Variants in KLHL26 observed in about 807,000 individuals in gnomAD.
KLHL26 encodes the protein kelch like family member 26.
KLHL26 carries 4 observed loss-of-function variants against 7.1 expected under a neutral mutation model. The observed-to-expected ratio is 0.56, with a 90% CI of 0.28 to 1.28. The LOEUF (loss-of-function observed/expected upper bound fraction) is 1.28, where lower values mean the gene tolerates loss of function less well. Among genes scored for constraint, KLHL26 ranks in the 50% most tolerant of loss-of-function variants. The pLI is 0.11. For missense variants in KLHL26, 896 were observed against 924.6 expected (o/e 0.97, Z 0.40); for synonymous variants, 465 against 414.1 (o/e 1.12, Z -1.49).
rs1228661664 is a variant in KLHL26, at chr19:18,669,085, T to C, written c.1688T>C (p.Ile563Thr). 3 of 1,612,710 alleles carry C rather than the reference T, an allele frequency of 1.9e-6. No individual in the cohort carries two copies. In the South Asian group the frequency reaches 3.3e-5, roughly 18 times the overall value. Reference sequence around the variant, plus strand: ...TGCCTGCTGGAGAGGAAGATCTACATCGTCGGGGGCTACAACTGGCGTCTC... The same window carrying C: ...TGCCTGCTGGAGAGGAAGATCTACACCGTCGGGGGCTACAACTGGCGTCTC... ...GCCLLERKIY[I>T]VGGYNWRLNN... is the part of the protein sequence containing the mutation. The change falls in exon 3 of 3, where the codon ATC (isoleucine) becomes ACC (threonine). Residue 563 changes from isoleucine to threonine, a missense_variant. By Grantham distance (89) the Ile-to-Thr change is moderately conservative (BLOSUM62 -1). Transcript: ENST00000300976.
chr19:18,637,199 G>A (rs371481842), intron 1 of KLHL26, 62 bp downstream of exon 1: 3 of 1,262,710 alleles, frequency 2.4e-6, no homozygotes, highest in East Asian at 3.1e-5. Flanking sequence ...CCTGTGGGCA[G>A]TCTTGGGCGT....
In KLHL26 at chr19:18,668,771, A is replaced by G. The variant is rs763163875; in HGVS notation, c.1374A>G (p.Ser458=). Residue 458 remains serine, a synonymous_variant, in exon 3 of 3, where the codon TCA becomes TCG. Coordinates refer to ENST00000300976, the MANE Select transcript of KLHL26 (RefSeq NM_018316.3). ...CCTGGGGCCATGCTGGGGCCGCCTC[A>G]GGGGGCCGCCTCTACATCTCGGGTG... is the stretch of plus-strand genomic sequence containing the variant. ...RRTWGHAGAA[S]GGRLYISGGY... is the part of the protein sequence containing the mutation. 1 of 1,593,630 alleles carries G rather than the reference A, an allele frequency of 6.3e-7. No individual in the cohort carries two copies. Among genetic ancestry groups the G allele is most frequent in the Non-Finnish European group, 8.5e-7 (1 of 1,176,710 alleles).
chr19:18,637,260 A>C, intron 1 of KLHL26, 123 bp downstream of exon 1: 7 of 1,071,414 alleles, frequency 6.5e-6, no homozygotes, highest in Non-Finnish European at 8.3e-6. Context: ...TTTCGCTGAG[A>C]ATTTGGACTT....
In KLHL26 at chr19:18,650,873, C is replaced by T. The variant is rs2052247702; in HGVS notation, c.84-13388C>T. ...GCCGCCCACTCGCCCTCAGAATGGC[C>T]CTCAGCGGGGCTTCCTGACCCCTCA... On this transcript the variant is annotated intron_variant, in intron 1 of 2. Coordinates refer to ENST00000300976, the MANE Select transcript of KLHL26 (RefSeq NM_018316.3). This position sits in a 1 kb window ranked among gnomAD's most constrained non-coding sequence, Gnocchi z 4.2. Among the ~76,000 whole-genome samples, 1 of 152,172 alleles carries T rather than the reference C, an allele frequency of 6.6e-6. No individual in the cohort carries two copies. The highest frequency in any genetic ancestry group is 1.5e-5 in the Non-Finnish European group (1 of 68,034).
chr19:18,657,054 C>T (rs1352099592), intron 1 of KLHL26, among the ~76,000 whole-genome samples: 2 of 147,228 alleles, frequency 1.4e-5, no homozygotes, highest in South Asian at 2.2e-4. Flanking sequence ...CATCTCTGTC[C>T]CTCTGTCTCT....
Position 18,664,254 on chromosome 19 carries a change from C to T in KLHL26, c.84-7C>T. ...GGGCCATGTCCCCACCTCTGCTTTC[C>T]CCGCAGCACGGCCGACAAGAACGGG... On this transcript the variant is annotated splice_region_variant and splice_polypyrimidine_tract_variant and intron_variant, in intron 1 of 2. Coordinates refer to ENST00000300976, the MANE Select transcript of KLHL26 (RefSeq NM_018316.3). 6.3e-7 allele frequency: 1 copy of T among 1,588,928 alleles called. No homozygotes were observed. Among genetic ancestry groups the T allele is most frequent in the Non-Finnish European group, 8.6e-7 (1 of 1,168,126 alleles).
Position 18,670,923 on chromosome 19 carries a change from G to A in KLHL26, c.*1678G>A, listed in dbSNP as rs1164830785. ...AGACGGGGTTTCACCATGTTGGCCA[G>A]GCTGGCCTTGAACTCTTGACCTCAG... is the stretch of plus-strand genomic sequence containing the variant. On this transcript the variant is annotated 3_prime_UTR_variant, in exon 3 of 3. Transcript: ENST00000300976. The A allele has an allele frequency of 6.6e-6, 1 of 152,232 alleles. No homozygotes were observed. Among genetic ancestry groups the A allele is most frequent in the African/African-American group, 2.4e-5 (1 of 41,428 alleles). 9.4% of individuals were successfully genotyped at this position (152,232 alleles called of 1,614,324 possible).
chr19:18,667,723 T>A lies in KLHL26; in HGVS notation c.326T>A (p.Val109Glu), dbSNP rs774411539. 30 of 1,613,024 alleles carry A rather than the reference T, an allele frequency of 1.9e-5. No individual in the cohort carries two copies. The highest frequency in any genetic ancestry group is 2.2e-5 in the Non-Finnish European group (26 of 1,179,986). The change falls in exon 3 of 3, where the codon GTG becomes GAG. Residue 109 changes from valine to glutamate, a missense_variant. Val to Glu is a moderately radical substitution (Grantham distance 121). Coordinates refer to ENST00000300976, the MANE Select transcript of KLHL26 (RefSeq NM_018316.3). ...CAGGACGTCATCGAGCTGAAGGGCG[T>A]GTCGGCCCGTGGCCTGCGGCACATC... is the stretch of plus-strand genomic sequence containing the variant. ...ASQDVIELKG[V>E]SARGLRHIID...
chr19:18,655,495 C>T (rs934456922), intron 1 of KLHL26, among the ~76,000 whole-genome samples: 2 of 152,166 alleles, frequency 1.3e-5, no homozygotes, highest in South Asian at 2.1e-4. Flanking sequence ...GGCCAGTGGC[C>T]GAACTTCTCT....
intron 1 of KLHL26, 44 bp from the exon 2 acceptor site, chr19:18,664,217 G>T: frequency 2.0e-6 from 3 of 1,532,442 alleles, no homozygotes; most frequent in Non-Finnish European, 1.8e-6. Flanking sequence ...AATAGTGTGT[G>T]TGTGAACCTC....
At position 18,650,516 on chromosome 19, in the gene KLHL26, T is replaced by C. The variant is rs1000587829; in HGVS notation, c.83+13379T>C. The stretch of plus-strand genomic sequence containing the variant: ...GAAGTCCGTCCTGTCCCAGGAGGGC[T>C]GCGCTAGGTCTCTCCTCTGGCTCCC... On this transcript the variant is annotated intron_variant, in intron 1 of 2. Coordinates refer to ENST00000300976, the MANE Select transcript of KLHL26 (RefSeq NM_018316.3). The surrounding 1 kb of genome is among the most constrained non-coding windows in gnomAD (Gnocchi z 4.2). Among the ~76,000 whole-genome samples, 9 of 152,214 alleles carry C rather than the reference T, an allele frequency of 5.9e-5. No homozygotes were observed. The highest frequency in any genetic ancestry group is 2.2e-4 in the African/African-American group (9 of 41,466).
chr19:18,650,754 C>G lies in KLHL26; in HGVS notation c.84-13507C>G, dbSNP rs548092621. The stretch of plus-strand genomic sequence containing the variant: ...TGAACTTTCGCATTGGTCAGGGGCG[C>G]GGGCAGCTTGCTGACCTTTTCTGGG... On this transcript the variant is annotated intron_variant, in intron 1 of 2. Coordinates refer to ENST00000300976, the MANE Select transcript of KLHL26 (RefSeq NM_018316.3). This position sits in a 1 kb window ranked among gnomAD's most constrained non-coding sequence, Gnocchi z 4.2. Among the ~76,000 whole-genome samples, 6 of 152,342 alleles carry G rather than the reference C, an allele frequency of 3.9e-5. No individual in the cohort carries two copies. The highest frequency in any genetic ancestry group is 1.4e-4 in the African/African-American group (6 of 41,580).
At chr19:18,651,748 C>T (rs967641436) in intron 1 of KLHL26, among the ~76,000 whole-genome samples, 1 of 152,226 alleles carries the variant, frequency 6.6e-6, no homozygotes, top group Non-Finnish European at 1.5e-5. Context: ...CCCCGACATG[C>T]TAGAATTCAG....
At chr19:18,667,240 C>G (rs2052457412) in intron 2 of KLHL26, among the ~76,000 whole-genome samples, 1 of 152,172 alleles carries the variant, frequency 6.6e-6, no homozygotes, top group Non-Finnish European at 1.5e-5. Flanking sequence ...TCACTGCAAC[C>G]TCCAGGTTGG....
chr19:18,664,436 T>A lies in KLHL26; in HGVS notation c.259T>A (p.Tyr87Asn). ...HKVVLAACSD[Y>N]FRAMFTGGMR... ...GGTCGTCCTGGCTGCCTGCAGCGAC[T>A]ACTTCAGGTAAGTGCTGGCCCCAGG... The change falls in exon 2 of 3, where the codon TAC (tyrosine) becomes AAC (asparagine). Residue 87 changes from tyrosine to asparagine, a missense_variant. By Grantham distance (143) the Tyr-to-Asn change is moderately radical (BLOSUM62 -2). Transcript: ENST00000300976. 6.3e-7 allele frequency: 1 copy of A among 1,578,762 alleles called. No homozygotes were observed. Among genetic ancestry groups the A allele is most frequent in the African/African-American group, 1.3e-5 (1 of 74,548 alleles).
chr19:18,641,589 G>A (rs1372922933), intron 1 of KLHL26, among the ~76,000 whole-genome samples: 1 of 150,432 alleles, frequency 6.6e-6, no homozygotes, highest in Non-Finnish European at 1.5e-5. Flanking sequence ...AAAGTGCTGG[G>A]ATTAGAGGCA....
At chr19:18,638,385 C>G (rs1288864917) in intron 1 of KLHL26, among the ~76,000 whole-genome samples, 1 of 152,148 alleles carries the variant, frequency 6.6e-6, no homozygotes, top group Non-Finnish European at 1.5e-5. Context: ...CCTGCCTGTT[C>G]CTGAGGATGC....
At chr19:18,647,122 C>T (rs1976817279) in intron 1 of KLHL26, among the ~76,000 whole-genome samples, 1 of 152,246 alleles carries the variant, frequency 6.6e-6, no homozygotes, top group Non-Finnish European at 1.5e-5. Context: ...CCCTCTCCTC[C>T]CCTCCTTGTC....
At chr19:18,665,060 GTTT>G (rs775490262) in intron 2 of KLHL26, among the ~76,000 whole-genome samples, 1 of 136,366 alleles carries the variant, frequency 7.3e-6, no homozygotes, top group African/African-American at 2.7e-5. Context: ...GATCTGTTTT[GTTT>G]TTTTTTTTTT....
Sources: allele counts gnomAD v4.1 joint callset (sites outside exome capture counted in the v4.1 genomes callset), GRCh38; gene constraint gnomAD v4.1.1; non-coding constraint Gnocchi (gnomAD v3.1); transcripts MANE v1.5; gene names NCBI Gene and HGNC (gene_info 2026-07-23, HGNC 2026-07-21).